AFF3: variants seen among roughly 807,000 people sequenced by gnomAD.
AFF3 encodes the protein ALF transcription elongation factor 3.
A neutral mutation model predicts 129.7 loss-of-function variants in AFF3; 32 were observed. The observed-to-expected ratio is 0.25, with a 90% CI of 0.19 to 0.33. The LOEUF (loss-of-function observed/expected upper bound fraction) is 0.33. AFF3 is among the 10% of genes least tolerant of loss of function. The pLI, the probability that AFF3 is intolerant of heterozygous loss-of-function variation, is 1.00. For synonymous variants in AFF3, 644 were observed against 635.4 expected (o/e 1.01, Z -0.20); for missense variants, 1,373 against 1,592.0 (o/e 0.86, Z 2.34).
At chr2:99,598,717 G>A (rs1679531108) in intron 14 of AFF3, among the ~76,000 whole-genome samples, 1 of 152,228 alleles carries the variant, frequency 6.6e-6, no homozygotes, top group African/African-American at 2.4e-5. Flanking sequence ...GCATGGCTAT[G>A]AAGAGCCTGA....
At chr2:100,106,592 C>A in intron 2 of AFF3, 1 of 989,384 alleles carries the variant, frequency 1.0e-6, no homozygotes, top group Non-Finnish European at 1.2e-6. Flanking sequence ...CAGGAACAGC[C>A]CCTGTCTGGA....
At chr2:99,751,875 A>G (rs1365291787) in intron 9 of AFF3, among the ~76,000 whole-genome samples, 1 of 152,230 alleles carries the variant, frequency 6.6e-6, no homozygotes, top group East Asian at 1.9e-4. Context: ...TCATTAATTT[A>G]ATAATAGCTT....
At chr2:99,786,403 A>G (rs1282939174) in intron 8 of AFF3, among the ~76,000 whole-genome samples, 1 of 152,222 alleles carries the variant, frequency 6.6e-6, no homozygotes, top group Non-Finnish European at 1.5e-5. Context: ...TGCAATGATT[A>G]AAGATTAACA....
chr2:99,700,882 G>T (rs948963647), intron 11 of AFF3, among the ~76,000 whole-genome samples: 4 of 152,232 alleles, frequency 2.6e-5, no homozygotes, highest in African/African-American at 9.6e-5. Context: ...GTCCACTGGG[G>T]CTGGCCTTGG....
intron 7 of AFF3, among the ~76,000 whole-genome samples, chr2:99,940,268 T>C (rs1047124502): frequency 8.5e-5 from 13 of 152,186 alleles, no homozygotes; most frequent in African/African-American, 2.4e-4. Context: ...CTGAAATGGA[T>C]AGAATATTCC....
At chr2:99,588,289 G>A (rs1016387919) in intron 15 of AFF3, among the ~76,000 whole-genome samples, 1 of 152,060 alleles carries the variant, frequency 6.6e-6, no homozygotes, top group Admixed American at 6.5e-5. Flanking sequence ...TGATCCTCCC[G>A]CCTCAGCCTT....
intron 7 of AFF3, among the ~76,000 whole-genome samples, chr2:99,950,377 G>A (rs1676033325): frequency 6.6e-6 from 1 of 152,146 alleles, no homozygotes; most frequent in Non-Finnish European, 1.5e-5. Context: ...GTAAGTATGT[G>A]GGTGAATATG....
chr2:99,623,630 G>A (rs1682266712), intron 13 of AFF3, among the ~76,000 whole-genome samples: 1 of 152,164 alleles, frequency 6.6e-6, no homozygotes, highest in African/African-American at 2.4e-5. Context: ...CTTTGAACTG[G>A]GACACATGAG....
intron 18 of AFF3, among the ~76,000 whole-genome samples, chr2:99,574,149 G>T (rs1433899905): frequency 1.3e-5 from 2 of 152,182 alleles, no homozygotes; most frequent in African/African-American, 4.8e-5. Flanking sequence ...ATCAAGTGTT[G>T]TCATTCATTG....
intron 21 of AFF3, 58 bp from the exon 22 acceptor site, chr2:99,559,026 G>T: frequency 6.7e-7 from 1 of 1,492,860 alleles, no homozygotes; most frequent in Non-Finnish European, 9.3e-7. Flanking sequence ...GCGCAAACAA[G>T]ACTTAAACAT....
intron 11 of AFF3, among the ~76,000 whole-genome samples, chr2:99,674,070 G>T (rs1687404153): frequency 6.6e-6 from 1 of 152,282 alleles, no homozygotes; most frequent in South Asian, 2.1e-4. Flanking sequence ...AGTTTTTAGG[G>T]TACTATTTAA....
intron 11 of AFF3, among the ~76,000 whole-genome samples, chr2:99,675,671 C>A (rs182868767): frequency 6.6e-6 from 1 of 152,302 alleles, no homozygotes; most frequent in East Asian, 1.9e-4. Context: ...TATAGCTGAA[C>A]AATGAAACAT....
At chr2:99,599,100 GCTCTTGCCCCTCTCCTTAGCGAGGGGC>G (rs754304553) in intron 14 of AFF3, among the ~76,000 whole-genome samples, 2 of 152,202 alleles carry the variant, frequency 1.3e-5, no homozygotes, top group African/African-American at 2.4e-5. Context: ...CCTTTAGGAG[GCTCTTGCCCCTCTCCTTAGCGAGGGGC>G]CTCTGATAGC....
intron 4 of AFF3, among the ~76,000 whole-genome samples, chr2:100,053,470 T>C (rs1312844836): frequency 1.3e-5 from 2 of 152,244 alleles, no homozygotes; most frequent in Admixed American, 6.5e-5. Flanking sequence ...CTCAGTCTTC[T>C]CATTTATGGA....
At chr2:99,848,405 C>T (rs890609624) in intron 7 of AFF3, among the ~76,000 whole-genome samples, 9 of 152,160 alleles carry the variant, frequency 5.9e-5, no homozygotes, top group East Asian at 1.9e-4. Flanking sequence ...GTATGAGATC[C>T]GCCACGTACA....
intron 7 of AFF3, among the ~76,000 whole-genome samples, chr2:99,956,255 G>A (rs1342171814): frequency 6.6e-6 from 1 of 152,104 alleles, no homozygotes; most frequent in Non-Finnish European, 1.5e-5. Context: ...GTCTATGAGA[G>A]AAGAGCTACA....
chr2:99,920,505 C>T (rs1695784621), intron 7 of AFF3, among the ~76,000 whole-genome samples: 2 of 152,138 alleles, frequency 1.3e-5, no homozygotes, highest in Admixed American at 6.6e-5. Flanking sequence ...TGTGTTACTA[C>T]ACCCATTTAT....
intron 20 of AFF3, among the ~76,000 whole-genome samples, chr2:99,563,157 G>A (rs1675628750): frequency 6.6e-6 from 1 of 152,014 alleles, no homozygotes; most frequent in Non-Finnish European, 1.5e-5. Context: ...CAGGCAGGGT[G>A]GGCAATGTGC....
Position 100,061,862 on chromosome 2 carries a change from G to GGA in AFF3, c.53+42539_53+42540insTC, listed in dbSNP as rs1358027053. On this transcript the variant is annotated intron_variant, in intron 4 of 24. Coordinates refer to ENST00000672756, the MANE Select transcript of AFF3 (RefSeq NM_001386135.1). ...AGAGATGGGTAGCACAGTGGAGGGG[G>GGA]GGGGGGTGCCGACTCTCAAGTCCAC... 2.3e-3 allele frequency among the ~76,000 whole-genome samples: 348 copies of GGA among 151,364 alleles called. 16 individuals are homozygous for GGA. Among genetic ancestry groups the GGA allele is most frequent in the Non-Finnish European group, 3.4e-3 (227 of 67,744 alleles).
Sources: allele counts gnomAD v4.1 joint callset (sites outside exome capture counted in the v4.1 genomes callset), GRCh38; gene constraint gnomAD v4.1.1; transcripts MANE v1.5; gene names NCBI Gene and HGNC (gene_info 2026-07-23, HGNC 2026-07-21).